The following BCO2 variants were observed in gnomAD, a reference collection of about 807,000 sequenced individuals.
The protein encoded by BCO2 is carotenoid-cleaving dioxygenase, mitochondrial.
Under a neutral mutation model 65.8 loss-of-function variants are expected in BCO2, and 56 were observed. The observed-to-expected ratio is 0.85, with a 90% CI of 0.69 to 1.06. The LOEUF (loss-of-function observed/expected upper bound fraction) is 1.06. Among genes scored for constraint, BCO2 ranks in the 50% least tolerant of loss-of-function variants. The pLI is 0.00. For synonymous variants in BCO2, 233 were observed against 242.3 expected (o/e 0.96, Z 0.36); for missense variants, 675 against 698.5 (o/e 0.97, Z 0.38).
intron 1 of BCO2, 37 bp downstream of exon 1, chr11:112,175,726 C>A (rs752046659): frequency 1.3e-6 from 2 of 1,542,920 alleles, no homozygotes; most frequent in Non-Finnish European, 1.8e-6. Context: ...TCATCCTCCT[C>A]TTCTTGCCAG....
At position 112,180,690 on chromosome 11, in the gene BCO2, G is replaced by A; in HGVS notation, c.293+1208G>A. The stretch of plus-strand genomic sequence containing the variant: ...AGGCGAATCCAAGTGGGTGGAGGGG[G>A]GGAAGGGCGGGAGGAGAAAAAGGTG... On this transcript the variant is annotated intron_variant, in intron 2 of 11. Coordinates refer to ENST00000357685, the MANE Select transcript of BCO2 (RefSeq NM_031938.7). 4 of 765,206 alleles carry A rather than the reference G, an allele frequency of 5.2e-6. 1 individual carries two copies. In the South Asian group the frequency reaches 5.5e-5, roughly 11 times the overall value. 47.4% of individuals were successfully genotyped at this position (765,206 alleles called of 1,614,324 possible). A position where few individuals can be genotyped will look rare whatever the true frequency, so the allele number is the denominator to read the frequency against.
chr11:112,182,523 A>C (rs1010898479), intron 2 of BCO2, among the ~76,000 whole-genome samples: 1 of 152,218 alleles, frequency 6.6e-6, no homozygotes, highest in African/African-American at 2.4e-5. Flanking sequence ...ATGCAGCCAT[A>C]AAAAAGGATG....
chr11:112,178,412 A>T (rs1025326055), intron 1 of BCO2, among the ~76,000 whole-genome samples: 1 of 152,226 alleles, frequency 6.6e-6, no homozygotes, highest in African/African-American at 2.4e-5. Flanking sequence ...TTGCTAAAAG[A>T]ATGCAAATCT....
At chr11:112,217,652 T>C in intron 11 of BCO2, 109 bp from the exon 12 acceptor site, 1 of 721,788 alleles carries the variant, frequency 1.4e-6, no homozygotes. Flanking sequence ...TGAGCCACTG[T>C]GCCTGACCAA....
intron 2 of BCO2, among the ~76,000 whole-genome samples, chr11:112,185,941 C>T (rs2135356105): frequency 6.6e-6 from 1 of 152,260 alleles, no homozygotes; most frequent in South Asian, 2.1e-4. Flanking sequence ...TTCCTCTAAC[C>T]CCTGGCAATC....
intron 8 of BCO2, among the ~76,000 whole-genome samples, chr11:112,212,131 C>A (rs1419392775): frequency 6.6e-6 from 1 of 152,072 alleles, no homozygotes; most frequent in Non-Finnish European, 1.5e-5. Context: ...CTACAGAGAT[C>A]ATATAGACTA....
intron 10 of BCO2, chr11:112,215,182 C>T (rs1018622033): frequency 3.3e-5 from 17 of 513,052 alleles, no homozygotes; most frequent in Non-Finnish European, 5.6e-5. Context: ...ATTTTGGGAG[C>T]AATTGTGGGG....
intron 2 of BCO2, chr11:112,179,740 A>G: frequency 2.2e-6 from 1 of 458,498 alleles, no homozygotes; most frequent in East Asian, 4.2e-5. Context: ...AGAAGCTGTC[A>G]GTGTGGTGAC....
At chr11:112,177,137 A>G (rs1246182908) in intron 1 of BCO2, among the ~76,000 whole-genome samples, 3 of 152,196 alleles carry the variant, frequency 2.0e-5, no homozygotes. Flanking sequence ...AGATGAGTAA[A>G]ATTACATACC....
chr11:112,201,668 CA>C (rs1327176646), intron 7 of BCO2, among the ~76,000 whole-genome samples: 1 of 152,120 alleles, frequency 6.6e-6, no homozygotes, highest in Non-Finnish European at 1.5e-5. Context: ...TTGAATTTAT[CA>C]TCAGTATACT....
intron 5 of BCO2, among the ~76,000 whole-genome samples, chr11:112,198,467 T>C (rs1028655191): frequency 1.3e-5 from 2 of 152,164 alleles, no homozygotes; most frequent in Middle Eastern, 3.4e-3. Flanking sequence ...AAAGTAGTAG[T>C]TGCAGAATAA....
At chr11:112,175,998 T>G in intron 1 of BCO2, 1 of 243,800 alleles carries the variant, frequency 4.1e-6, no homozygotes, top group Non-Finnish European at 8.0e-6. Context: ...TTTTCTAAAT[T>G]GAAAAATCAC....
chr11:112,198,967 T>A (rs1867654040), intron 5 of BCO2, among the ~76,000 whole-genome samples: 1 of 152,090 alleles, frequency 6.6e-6, no homozygotes, highest in African/African-American at 2.4e-5. Context: ...TAGCTCTTTT[T>A]TATTATTATA....
At chr11:112,210,125 T>C (rs565463381) in intron 8 of BCO2, among the ~76,000 whole-genome samples, 1 of 152,358 alleles carries the variant, frequency 6.6e-6, no homozygotes, top group Admixed American at 6.5e-5. Context: ...TTCTAGAATA[T>C]TGATTTGGTT....
chr11:112,198,634 G>A (rs1197252792), intron 5 of BCO2, among the ~76,000 whole-genome samples: 1 of 152,034 alleles, frequency 6.6e-6, no homozygotes, highest in African/African-American at 2.4e-5. Flanking sequence ...TTGAGGAGTG[G>A]ATATCTGCGT....
chr11:112,185,321 G>A (rs1330431175), intron 2 of BCO2, among the ~76,000 whole-genome samples: 2 of 152,086 alleles, frequency 1.3e-5, no homozygotes, highest in Non-Finnish European at 2.9e-5. Context: ...GATATAAAGT[G>A]TTGAAAAAAA....
intron 8 of BCO2, among the ~76,000 whole-genome samples, chr11:112,209,985 G>A (rs1263199404): frequency 6.6e-6 from 1 of 151,982 alleles, no homozygotes; most frequent in Non-Finnish European, 1.5e-5. Flanking sequence ...ACAATGAGTT[G>A]GGAATTGTTC....
chr11:112,198,911 C>G, intron 5 of BCO2, among the ~76,000 whole-genome samples: 1 of 151,384 alleles, frequency 6.6e-6, no homozygotes, highest in African/African-American at 2.4e-5. Context: ...GTCTATTCAC[C>G]ATACATATGA....
At chr11:112,193,358 C>T in intron 2 of BCO2, 116 bp from the exon 3 acceptor site, 2 of 975,798 alleles carry the variant, frequency 2.0e-6, no homozygotes, top group Non-Finnish European at 3.1e-6. Flanking sequence ...TCAGGTTGTG[C>T]TGGGAACCTG....
Sources: gnomAD v4.1 joint callset for allele counts (sites outside exome capture counted in the v4.1 genomes callset) on GRCh38, gnomAD v4.1.1 for gene constraint, MANE v1.5 for transcripts, NCBI Gene and HGNC (gene_info 2026-07-23, HGNC 2026-07-21) for gene names.